Variants in SHANK2 observed in about 807,000 individuals in gnomAD.
SHANK2 encodes the protein SH3 and multiple ankyrin repeat domains protein 2.
A neutral mutation model predicts 133.7 loss-of-function variants in SHANK2; 43 were observed. The ratio of observed to expected loss-of-function variants is 0.32; its 90% CI spans 0.25 to 0.41. The LOEUF (loss-of-function observed/expected upper bound fraction) is 0.41. SHANK2 is among the 10% of genes least tolerant of loss of function. The probability of loss-of-function intolerance (pLI) is 1.00; values close to 1 mark genes in which losing one functional copy is unlikely to be tolerated. For missense variants in SHANK2, 1,994 were observed against 2,235.8 expected (o/e 0.89, Z 2.18); for synonymous variants, 1,017 against 952.8 (o/e 1.07, Z -1.24).
chr11:70,795,566 C>T (rs920879722), intron 14 of SHANK2, among the ~76,000 whole-genome samples: 48 of 152,132 alleles, frequency 3.2e-4, no homozygotes, highest in Non-Finnish European at 4.1e-4. Flanking sequence ...GCACCATGTC[C>T]GGCTAATTTT....
chr11:70,857,194 G>A (rs1555066947), intron 11 of SHANK2, among the ~76,000 whole-genome samples: 2 of 152,132 alleles, frequency 1.3e-5, no homozygotes, highest in East Asian at 1.9e-4. Flanking sequence ...GAGCCCAATC[G>A]GGCCACAGGA....
At chr11:71,242,394 A>C (rs1555124509) in intron 1 of SHANK2, among the ~76,000 whole-genome samples, 1 of 152,214 alleles carries the variant, frequency 6.6e-6, no homozygotes, top group Non-Finnish European at 1.5e-5. Flanking sequence ...TTTATGTTAT[A>C]GGTATTTTGC....
At chr11:71,232,488 C>T (rs538349953) in intron 1 of SHANK2, among the ~76,000 whole-genome samples, 59 of 152,218 alleles carry the variant, frequency 3.9e-4, no homozygotes, top group African/African-American at 1.3e-3. Flanking sequence ...ATTCTCCCAC[C>T]TCTGCCGCCT....
intron 17 of SHANK2, among the ~76,000 whole-genome samples, chr11:70,617,428 C>G (rs1291188591): frequency 6.6e-6 from 1 of 152,140 alleles, no homozygotes; most frequent in Non-Finnish European, 1.5e-5. Context: ...CAGAGTTCAC[C>G]CAGCCCTGCC....
At chr11:70,678,822 T>C (rs1223474583) in intron 15 of SHANK2, among the ~76,000 whole-genome samples, 1 of 152,200 alleles carries the variant, frequency 6.6e-6, no homozygotes, top group Non-Finnish European at 1.5e-5. Flanking sequence ...ATTACAGGCA[T>C]GACCCACTGC....
At chr11:70,717,586 C>T in intron 14 of SHANK2, among the ~76,000 whole-genome samples, 1 of 152,206 alleles carries the variant, frequency 6.6e-6, no homozygotes, top group East Asian at 1.9e-4. Flanking sequence ...GGCAGGACTG[C>T]CCAAGTCCCA....
intron 10 of SHANK2, among the ~76,000 whole-genome samples, chr11:70,922,430 AG>A (rs1485895704): frequency 6.6e-6 from 1 of 152,238 alleles, no homozygotes; most frequent in Non-Finnish European, 1.5e-5. Context: ...AGATAAACAC[AG>A]GAAAAAAACA....
In SHANK2 at chr11:71,235,316, G is replaced by A. The variant is rs115484339; in HGVS notation, c.-112-10520C>T. On this transcript the variant is annotated intron_variant, in intron 1 of 25. Transcript: ENST00000601538. Reference sequence around the variant, plus strand: ...CTCTATAAAAACTCTTGCACAGGACGGGCACGGTGGCTCACACCTGTAATC... The same window carrying A: ...CTCTATAAAAACTCTTGCACAGGACAGGCACGGTGGCTCACACCTGTAATC... Among the ~76,000 whole-genome samples the A allele has an allele frequency of 5.7e-3, 871 of 152,218 alleles. 5 individuals are homozygous for A. The highest frequency in any genetic ancestry group is 0.02 in the African/African-American group (836 of 41,532).
In SHANK2 at chr11:70,586,369, T is replaced by C. The variant is rs531554969; in HGVS notation, c.2061+73459A>G. Among the ~76,000 whole-genome samples, 908 of 152,250 alleles carry C rather than the reference T, an allele frequency of 6.0e-3. 3 individuals carry two copies. The highest frequency in any genetic ancestry group is 0.017 in the Middle Eastern group (5 of 294). On this transcript the variant is annotated intron_variant, in intron 17 of 25. Transcript: ENST00000601538. ...AAGGATCACTTGCGCCTTAGAAGGC[T>C]TGCTGGGGGCAGGAGGGGCAGGTGC...
intron 11 of SHANK2, among the ~76,000 whole-genome samples, chr11:70,827,690 AACACACACACACACACACACACAC>A (rs113156725): frequency 7.7e-6 from 1 of 130,458 alleles, no homozygotes; most frequent in Non-Finnish European, 1.6e-5. Context: ...AGAAATTTAA[AACACACACACACACACACACACAC>A]ACACACACAC....
intron 11 of SHANK2, among the ~76,000 whole-genome samples, chr11:70,852,179 T>TA (rs1949096402): frequency 6.6e-6 from 1 of 152,234 alleles, no homozygotes; most frequent in African/African-American, 2.4e-5. Context: ...GCCCACCTGT[T>TA]AGAGCATATA....
chr11:71,167,867 C>T (rs530591647), intron 2 of SHANK2, among the ~76,000 whole-genome samples: 80 of 143,850 alleles, frequency 5.6e-4, no homozygotes, highest in Middle Eastern at 4.8e-3. Context: ...CCAGTAGGGG[C>T]GGCCGGGCAG....
chr11:70,779,220 C>T (rs1555044594), intron 14 of SHANK2, among the ~76,000 whole-genome samples: 4 of 151,578 alleles, frequency 2.6e-5, no homozygotes, highest in Non-Finnish European at 5.9e-5. Flanking sequence ...ACATACTTCA[C>T]GGCAGCGAGG....
chr11:70,641,526 C>T (rs1555006357), intron 17 of SHANK2, among the ~76,000 whole-genome samples: 1 of 152,110 alleles, frequency 6.6e-6, no homozygotes, highest in Non-Finnish European at 1.5e-5. Context: ...GCCTCCCCTG[C>T]AGGGAGGAAT....
intron 4 of SHANK2, 75 bp downstream of exon 4, chr11:71,118,754 C>T (rs1467702927): frequency 2.3e-6 from 3 of 1,301,406 alleles, no homozygotes; most frequent in African/African-American, 3.0e-5. Context: ...CGCCCCACCA[C>T]CATGTCTCCC....
chr11:70,585,465 C>T (rs538825370), intron 17 of SHANK2, among the ~76,000 whole-genome samples: 53 of 152,318 alleles, frequency 3.5e-4, no homozygotes, highest in Non-Finnish European at 6.5e-4. Flanking sequence ...GCAATACTCT[C>T]CAATTTCACC....
chr11:70,921,132 G>C (rs1007029878), intron 10 of SHANK2, among the ~76,000 whole-genome samples: 7 of 152,078 alleles, frequency 4.6e-5, no homozygotes, highest in Non-Finnish European at 1.0e-4. Context: ...GCCTCCACTG[G>C]GCACAGACAG....
intron 17 of SHANK2, among the ~76,000 whole-genome samples, chr11:70,516,407 C>A (rs1263529705): frequency 1.2e-4 from 18 of 152,212 alleles, no homozygotes. Flanking sequence ...CCATGCTGGA[C>A]ATCCACATGC....
At position 71,109,984 on chromosome 11, in the gene SHANK2, C is replaced by T; in HGVS notation, c.549G>A (p.Leu183=). The change falls in exon 6 of 26, where the codon CTG becomes CTA. Residue 183 remains leucine (L), a synonymous_variant. Coordinates refer to ENST00000601538, the MANE Select transcript of SHANK2 (RefSeq NM_012309.5). ...GGAAATTGGGATCCAGGCCTCGGTC[C>T]AGCATCTTGGTGATCTTCTCCACCA... is the stretch of plus-strand genomic sequence containing the variant. ...HRLVEKITKM[L]DRGLDPNFHD... The T allele has an allele frequency of 6.4e-7, 1 of 1,551,736 alleles. No individual in the cohort carries two copies. Among genetic ancestry groups the T allele is most frequent in the Non-Finnish European group, 8.7e-7 (1 of 1,146,976 alleles).
Sources: allele counts gnomAD v4.1 joint callset (sites outside exome capture counted in the v4.1 genomes callset), GRCh38; gene constraint gnomAD v4.1.1; transcripts MANE v1.5; gene names NCBI Gene and HGNC (gene_info 2026-07-23, HGNC 2026-07-21).